Variants in KCTD8 observed in about 807,000 individuals in gnomAD.
The protein encoded by KCTD8 is BTB/POZ domain-containing protein KCTD8.
In KCTD8, 27 loss-of-function variants were observed where a neutral mutation model predicts 31.5. The observed-to-expected ratio is 0.86, with a 90% confidence interval of 0.63 to 1.18. KCTD8 has a LOEUF of 1.18. KCTD8 is among the 50% of genes most tolerant of loss of function. KCTD8 has a pLI of 0.00. For synonymous variants in KCTD8, 290 were observed against 280.0 expected (o/e 1.04, Z -0.36); for missense variants, 658 against 647.7 (o/e 1.02, Z -0.17).
chr4:44,269,459 C>T (rs375465110), intron 1 of KCTD8, among the ~76,000 whole-genome samples: 17,535 of 150,502 alleles, frequency 0.12, 1,141 homozygotes, highest in East Asian at 0.23. Context: ...CTAGGCATTA[C>T]CATTCAGGAC....
At chr4:44,322,011 C>T (rs561644905) in intron 1 of KCTD8, among the ~76,000 whole-genome samples, 7 of 152,086 alleles carry the variant, frequency 4.6e-5, no homozygotes, top group Admixed American at 1.3e-4. Flanking sequence ...CTGATGGACA[C>T]TTAGGTTGAT....
At chr4:44,226,097 G>A (rs960272436) in intron 1 of KCTD8, among the ~76,000 whole-genome samples, 3 of 152,016 alleles carry the variant, frequency 2.0e-5, no homozygotes, top group African/African-American at 7.2e-5. Flanking sequence ...CAAAGTGTTG[G>A]GATTACAGGC....
chr4:44,208,755 T>C (rs1339967697), intron 1 of KCTD8, among the ~76,000 whole-genome samples: 8 of 152,146 alleles, frequency 5.3e-5, no homozygotes, highest in Non-Finnish European at 1.0e-4. Context: ...TACCTATAGA[T>C]ACTGTAAATA....
At chr4:44,269,078 G>C (rs1652345562) in intron 1 of KCTD8, among the ~76,000 whole-genome samples, 2 of 152,166 alleles carry the variant, frequency 1.3e-5, no homozygotes, top group African/African-American at 4.8e-5. Context: ...AGCCCTCATT[G>C]CCAAGTCAAT....
chr4:44,211,555 T>C (rs1714484152), intron 1 of KCTD8, among the ~76,000 whole-genome samples: 1 of 152,168 alleles, frequency 6.6e-6, no homozygotes, highest in Non-Finnish European at 1.5e-5. Flanking sequence ...GAAAATACCT[T>C]ATCTATCCTC....
chr4:44,227,264 C>T (rs1337076969), intron 1 of KCTD8, among the ~76,000 whole-genome samples: 1 of 152,128 alleles, frequency 6.6e-6, no homozygotes, highest in Non-Finnish European at 1.5e-5. Context: ...ATATGGCTAG[C>T]CAGTTTTCCC....
intron 1 of KCTD8, among the ~76,000 whole-genome samples, chr4:44,290,937 G>A (rs1430964001): frequency 6.6e-6 from 1 of 151,998 alleles, no homozygotes; most frequent in Non-Finnish European, 1.5e-5. Flanking sequence ...CACAAAGTTA[G>A]AAGAAGAACA....
chr4:44,337,468 G>A (rs1452539217), intron 1 of KCTD8, among the ~76,000 whole-genome samples: 1 of 152,020 alleles, frequency 6.6e-6, no homozygotes, highest in Non-Finnish European at 1.5e-5. Context: ...AAGGTCAGGA[G>A]TTCGAGACCA....
At chr4:44,262,648 T>C (rs1467267579) in intron 1 of KCTD8, among the ~76,000 whole-genome samples, 1 of 152,138 alleles carries the variant, frequency 6.6e-6, no homozygotes, top group East Asian at 1.9e-4. Flanking sequence ...AATTATCTTT[T>C]TGTTAATGTC....
chr4:44,424,615 G>A (rs2109472903), intron 1 of KCTD8, among the ~76,000 whole-genome samples: 1 of 152,000 alleles, frequency 6.6e-6, no homozygotes, highest in East Asian at 1.9e-4. Flanking sequence ...AAGTAAGTTT[G>A]GCAATTGTTT....
Position 44,434,584 on chromosome 4 carries a change from T to A in KCTD8, c.961+12979A>T, listed in dbSNP as rs904000038. 1.4e-4 allele frequency among the ~76,000 whole-genome samples: 22 copies of A among 151,832 alleles called. 1 individual carries two copies. The highest frequency in any genetic ancestry group is 5.1e-4 in the African/African-American group (21 of 41,374). On this transcript the variant is annotated intron_variant, in intron 1 of 1. Coordinates refer to ENST00000360029, the MANE Select transcript of KCTD8 (RefSeq NM_198353.3). ...CTTCCCTACTTAAATCAATAAATAT[T>A]TGCTAAGTGACAACTTGCTGCCAGA...
chr4:44,264,071 C>G (rs1177571705), intron 1 of KCTD8, among the ~76,000 whole-genome samples: 1 of 152,186 alleles, frequency 6.6e-6, no homozygotes, highest in Admixed American at 6.5e-5. Flanking sequence ...ATAATATCAG[C>G]TTCTATCTCA....
At chr4:44,409,161 G>A (rs1196974086) in intron 1 of KCTD8, among the ~76,000 whole-genome samples, 1 of 151,442 alleles carries the variant, frequency 6.6e-6, no homozygotes, top group East Asian at 2.0e-4. Flanking sequence ...GAGAATCAAG[G>A]ATGTGGTGAG....
At chr4:44,403,323 A>G (rs903366085) in intron 1 of KCTD8, among the ~76,000 whole-genome samples, 7 of 152,040 alleles carry the variant, frequency 4.6e-5, no homozygotes, top group Non-Finnish European at 1.0e-4. Context: ...TTTCAATCAT[A>G]CTAGAGGAAT....
At chr4:44,220,760 G>A (rs1363877877) in intron 1 of KCTD8, among the ~76,000 whole-genome samples, 1 of 152,028 alleles carries the variant, frequency 6.6e-6, no homozygotes, top group Non-Finnish European at 1.5e-5. Context: ...GGTATGTGAG[G>A]GAAATGAACT....
intron 1 of KCTD8, among the ~76,000 whole-genome samples, chr4:44,243,254 G>A (rs747769796): frequency 6.6e-6 from 1 of 152,044 alleles, no homozygotes; most frequent in Admixed American, 6.6e-5. Context: ...ACAATTTTTT[G>A]TTGTTGTTAT....
chr4:44,183,639 C>T (rs1234264417), intron 1 of KCTD8, among the ~76,000 whole-genome samples: 1 of 151,992 alleles, frequency 6.6e-6, no homozygotes, highest in Admixed American at 6.5e-5. Flanking sequence ...AAAAAGGCTG[C>T]ATGATTTCTG....
At chr4:44,248,276 T>G (rs114995820) in intron 1 of KCTD8, among the ~76,000 whole-genome samples, 3,484 of 151,920 alleles carry the variant, frequency 0.023, 146 homozygotes, top group African/African-American at 0.08. Context: ...TAAAATTATG[T>G]TTATAATTTA....
intron 1 of KCTD8, among the ~76,000 whole-genome samples, chr4:44,219,495 C>CA (rs1162175737): frequency 1.3e-5 from 2 of 152,102 alleles, no homozygotes; most frequent in Admixed American, 6.5e-5. Flanking sequence ...AACATAGACA[C>CA]AGAGGGAAGA....
Sources: gnomAD v4.1 joint callset for allele counts (sites outside exome capture counted in the v4.1 genomes callset) on GRCh38, gnomAD v4.1.1 for gene constraint, MANE v1.5 for transcripts, NCBI Gene and HGNC (gene_info 2026-07-23, HGNC 2026-07-21) for gene names.